FLOT1: variants seen among roughly 807,000 people sequenced by gnomAD.
FLOT1 encodes the protein flotillin 1.
In FLOT1, 40 loss-of-function variants were observed where a neutral mutation model predicts 58.4. The observed-to-expected ratio is 0.69, with a 90% CI of 0.53 to 0.89. The LOEUF is 0.89. Among genes scored for constraint, FLOT1 ranks in the 40% least tolerant of loss-of-function variants. FLOT1 has a pLI of 0.00. For synonymous variants in FLOT1, 178 were observed against 204.2 expected, an observed-to-expected ratio of 0.87 and a Z score of 1.09; for missense variants, 423 against 540.8, an observed-to-expected ratio of 0.78 and a Z score of 2.16.
Position 30,737,246 on chromosome 6 carries a change from G to GTCCATCCATCCA in FLOT1, c.723+2911_723+2912insTGGATGGATGGA, listed in dbSNP as rs1214356628. On this transcript the variant is annotated intron_variant, in intron 8 of 12. Transcript: ENST00000376389. This position sits in a 1 kb window ranked among gnomAD's most constrained non-coding sequence, Gnocchi z 4.4. The stretch of plus-strand genomic sequence containing the variant: ...CGTCCGTCCGTCCGTCCGTCCGTCC[G>GTCCATCCATCCA]TCCATCCGTCCATCCATCCATCCAT... Among the ~76,000 whole-genome samples, 846 of 145,370 alleles carry GTCCATCCATCCA rather than the reference G, an allele frequency of 5.8e-3. 7 individuals carry two copies. The highest frequency in any genetic ancestry group is 0.02 in the African/African-American group (783 of 38,970).
intron 8 of FLOT1, among the ~76,000 whole-genome samples, chr6:30,739,718 C>T (rs947872055): frequency 6.6e-6 from 1 of 151,510 alleles, no homozygotes; most frequent in African/African-American, 2.4e-5. Flanking sequence ...GGCTGGAGTG[C>T]AGTAGTGTGA....
At position 30,740,564 on chromosome 6, in the gene FLOT1, G is replaced by T; in HGVS notation, c.502C>A (p.Arg168=). The T allele has an allele frequency of 6.2e-7, 1 of 1,613,022 alleles. No individual in the cohort carries two copies. Among genetic ancestry groups the T allele is most frequent in the Non-Finnish European group, 8.5e-7 (1 of 1,180,026 alleles). ...GCATCTTTTTGGACTTGAGCTGTTC[G>T]AGCCTTCCCCAAAGAGTGCAAATAG... ...QDYLHSLGKA[R]TAQVQKDARI... is the part of the protein sequence containing the mutation. The change falls in exon 7 of 13, where the codon CGA becomes AGA. Residue 168 remains arginine, a synonymous_variant. Coordinates refer to ENST00000376389, the MANE Select transcript of FLOT1 (RefSeq NM_005803.4).
In FLOT1 at chr6:30,741,810, C is replaced by A. The variant is rs1442623551; in HGVS notation, c.101G>T (p.Cys34Phe). The change falls in exon 3 of 13, where the codon TGC (cysteine) becomes TTC (phenylalanine). Residue 34 changes from cysteine (C) to phenylalanine (F), a missense_variant. Cys to Phe is a radical substitution (Grantham distance 205). This residue lies in a region of FLOT1 where 91 missense variants were observed against 118.3 expected (regional missense o/e 0.77). Coordinates refer to ENST00000376389, the MANE Select transcript of FLOT1 (RefSeq NM_005803.4). This position sits in a 1 kb window ranked among gnomAD's most constrained non-coding sequence, Gnocchi z 5.9. ...VAGGRVFVLP[C>F]IQQIQRISLN... ...TGCCTACCTCTGGATCTGTTGGATGCAGGGCAGGACAAAGACACGCCCTCC... is the reference window on the plus strand; with the variant it reads ...TGCCTACCTCTGGATCTGTTGGATGAAGGGCAGGACAAAGACACGCCCTCC... 6.2e-7 allele frequency: 1 copy of A among 1,612,996 alleles called. No individual in the cohort carries two copies. Among genetic ancestry groups the A allele is most frequent in the Non-Finnish European group, 8.5e-7 (1 of 1,179,976 alleles).
chr6:30,731,596 A>AT (rs1777208707), intron 8 of FLOT1, among the ~76,000 whole-genome samples: 1 of 150,352 alleles, frequency 6.7e-6, no homozygotes. Context: ...CGTTTAATCT[A>AT]TTTTTCCCAC....
rs1197291206 is a variant in FLOT1, at chr6:30,741,724, C to T, written c.120-20G>A. On this transcript the variant is annotated intron_variant, in intron 3 of 12. Transcript: ENST00000376389. This position sits in a 1 kb window ranked among gnomAD's most constrained non-coding sequence, Gnocchi z 5.9. ...GAGATCCTAGGGGAAAAAGAAGGGA[C>T]AGACAGTAAGAAGAGGAGGAAAAAG... The T allele has an allele frequency of 3.1e-6, 5 of 1,610,740 alleles. No homozygotes were observed. The East Asian group carries it at 8.9e-5, about 29-fold the overall frequency.
At position 30,730,187 on chromosome 6, in the gene FLOT1, C is replaced by T; in HGVS notation, c.1090-1G>A. ...AGGGACCACTGATCTCCTCTGCCAC[C>T]TGGCAGGAGAGAGACACCCACTCAG... is the stretch of plus-strand genomic sequence containing the variant. On this transcript the variant is annotated splice_acceptor_variant, in intron 11 of 12. Transcript: ENST00000376389. LOFTEE classifies it high-confidence loss of function. 1.2e-6 allele frequency: 2 copies of T among 1,612,826 alleles called. No homozygotes were observed. The highest frequency in any genetic ancestry group is 1.7e-6 in the Non-Finnish European group (2 of 1,179,832).
Position 30,730,500 on chromosome 6 carries a change from G to C in FLOT1, c.1017C>G (p.Ala339=). 6.2e-7 allele frequency: 1 copy of C among 1,610,482 alleles called. No homozygotes were observed. Among genetic ancestry groups the C allele is most frequent in the Non-Finnish European group, 8.5e-7 (1 of 1,177,272 alleles). ...ACAGCTGGAAGGCTTCTGCCTTCTT[G>C]GCCATCTGCTCAGCCTCGGCTCGGG... is the stretch of plus-strand genomic sequence containing the variant. ...ARARAEAEQM[A]KKAEAFQLYQ... The change falls in exon 11 of 13, where the codon GCC becomes GCG. Residue 339 remains alanine, a synonymous_variant. Transcript: ENST00000376389.
rs1777635965 is a variant in FLOT1 at position 30,737,211 on chromosome 6, TCCGTCCG to T, written c.723+2940_723+2946del. ...TGACTGACTGACTGACTGTCTGTCG[TCCGTCCG>T]TCCGTCCGTCCGTCCGTCCGTCCGT... On this transcript the variant is annotated intron_variant, in intron 8 of 12. Coordinates refer to ENST00000376389, the MANE Select transcript of FLOT1 (RefSeq NM_005803.4). The surrounding 1 kb of genome is among the most constrained non-coding windows in gnomAD (Gnocchi z 4.4). Among the ~76,000 whole-genome samples, 1 of 76,176 alleles carries T rather than the reference TCCGTCCG, an allele frequency of 1.3e-5. No individual in the cohort carries two copies. The highest frequency in any genetic ancestry group is 3.1e-5 in the Non-Finnish European group (1 of 32,658). The allele number at this position is 76,176 out of a possible 152,430, so 50.0% of individuals were successfully genotyped here.
intron 9 of FLOT1, 50 bp downstream of exon 9, chr6:30,730,869 G>C (rs769579691): frequency 7.5e-6 from 12 of 1,594,130 alleles, no homozygotes; most frequent in Non-Finnish European, 1.0e-5. Context: ...TCCATCTTGG[G>C]GTGCCTAGGT....
chr6:30,742,024 T>A lies in FLOT1; in HGVS notation c.43+123A>T. On this transcript the variant is annotated intron_variant, in intron 2 of 12. Transcript: ENST00000376389. This position sits in a 1 kb window ranked among gnomAD's most constrained non-coding sequence, Gnocchi z 5.2. ...GAATGGTGGGAATCAAACTGGGCAG[T>A]TCGTGGCCATCAAGGGGCAGAAGTC... The A allele has an allele frequency of 8.2e-7, 1 of 1,212,200 alleles. No homozygotes were observed. The allele number at this position is 1,212,200 out of a possible 1,614,324, so 75.1% of individuals were successfully genotyped here.
chr6:30,739,308 G>C (rs1777794192), intron 8 of FLOT1, among the ~76,000 whole-genome samples: 1 of 152,076 alleles, frequency 6.6e-6, no homozygotes, highest in African/African-American at 2.4e-5. Flanking sequence ...CTTTGCACGG[G>C]CACAGCCTGC....
Position 30,741,881 on chromosome 6 carries a change from G to A in FLOT1, c.44-14C>T, listed in dbSNP as rs780988797. 18 of 1,611,238 alleles carry A rather than the reference G, an allele frequency of 1.1e-5. No homozygotes were observed. Among genetic ancestry groups the A allele is most frequent in the Admixed American group, 1.7e-5 (1 of 59,972 alleles). ...TTCGGCAGAACCCTGCAAGGTGTGG[G>A]GCAGTGAGGAACGGTGGCAGAGCTT... On this transcript the variant is annotated splice_polypyrimidine_tract_variant and intron_variant, in intron 2 of 12. Transcript: ENST00000376389. This position sits in a 1 kb window ranked among gnomAD's most constrained non-coding sequence, Gnocchi z 5.9.
rs1491161295 is a variant in FLOT1, at chr6:30,737,195, GAC to G, written c.723+2961_723+2962del. On this transcript the variant is annotated intron_variant, in intron 8 of 12. Coordinates refer to ENST00000376389, the MANE Select transcript of FLOT1 (RefSeq NM_005803.4). The surrounding 1 kb of genome is among the most constrained non-coding windows in gnomAD (Gnocchi z 4.4). Reference sequence around the variant, plus strand: ...ACAAGCCACGTATGACTGACTGACTGACTGACTGTCTGTCGTCCGTCCGTCCG... The same window carrying G: ...ACAAGCCACGTATGACTGACTGACTGTGACTGTCTGTCGTCCGTCCGTCCG... 7.5e-6 allele frequency among the ~76,000 whole-genome samples: 1 copy of G among 133,252 alleles called. No homozygotes were observed. The highest frequency in any genetic ancestry group is 2.2e-4 in the East Asian group (1 of 4,612). 87.4% of individuals were successfully genotyped at this position (133,252 alleles called of 152,430 possible).
intron 12 of FLOT1, among the ~76,000 whole-genome samples, chr6:30,729,416 C>T (rs1465351561): frequency 2.0e-5 from 3 of 152,138 alleles, no homozygotes; most frequent in African/African-American, 7.2e-5. Context: ...TACTATATAC[C>T]AGGCACTATT....
At position 30,727,963 on chromosome 6, in the gene FLOT1, C is replaced by A; in HGVS notation, c.*153G>T. The A allele has an allele frequency of 1.3e-6, 1 of 757,768 alleles. No homozygotes were observed. The highest frequency in any genetic ancestry group is 2.0e-5 in the Admixed American group (1 of 48,934). The allele number at this position is 757,768 out of a possible 1,614,324, so 46.9% of individuals were successfully genotyped here. Reference sequence around the variant, plus strand: ...GGTTGGCAAGGGGAGCAACCCCCTTCAAGACAAGGCACAAACTATTTGGCA... The same window carrying A: ...GGTTGGCAAGGGGAGCAACCCCCTTAAAGACAAGGCACAAACTATTTGGCA... On this transcript the variant is annotated 3_prime_UTR_variant, in exon 13 of 13. Transcript: ENST00000376389.
Position 30,730,532 on chromosome 6 carries a change from C to A in FLOT1, c.985G>T (p.Ala329Ser). ...RGEAEAFAIG[A>S]RARAEAEQMA... ...TGCTCAGCCTCGGCTCGGGCTCGGG[C>A]CCCTATGGCAAAGGCCTCAGCTTCC... The change falls in exon 11 of 13, where the codon GCC (alanine) becomes TCC (serine). Residue 329 changes from alanine (A) to serine (S), a missense_variant. By Grantham distance (99) the Ala-to-Ser change is moderately conservative. This residue lies in a region of FLOT1 where 106 missense variants were observed against 88.4 expected (regional missense o/e 1.20). Transcript: ENST00000376389. 4 of 1,611,368 alleles carry A rather than the reference C, an allele frequency of 2.5e-6. No individual in the cohort carries two copies. Among genetic ancestry groups the A allele is most frequent in the Non-Finnish European group, 2.5e-6 (3 of 1,177,906 alleles).
In FLOT1 at chr6:30,741,783, C is replaced by A. The variant is rs763443087; in HGVS notation, c.119+9G>T. On this transcript the variant is annotated intron_variant, in intron 3 of 12. Coordinates refer to ENST00000376389, the MANE Select transcript of FLOT1 (RefSeq NM_005803.4). The surrounding 1 kb of genome is among the most constrained non-coding windows in gnomAD (Gnocchi z 5.9). ...GAGGTCCCCCTTCCCTGGTTCCCTT[C>A]TTGCCTACCTCTGGATCTGTTGGAT... The A allele has an allele frequency of 6.2e-6, 10 of 1,612,908 alleles. No homozygotes were observed. The highest frequency in any genetic ancestry group is 1.3e-5 in the African/African-American group (1 of 75,050).
intron 12 of FLOT1, among the ~76,000 whole-genome samples, chr6:30,729,649 A>G (rs1207889471): frequency 6.6e-6 from 1 of 152,180 alleles, no homozygotes; most frequent in Non-Finnish European, 1.5e-5. Context: ...TGGGGCGCTG[A>G]GAAAAGCAGT....
At chr6:30,740,068 A>G in intron 8 of FLOT1, 90 bp downstream of exon 8, 1 of 1,280,496 alleles carries the variant, frequency 7.8e-7, no homozygotes, top group Non-Finnish European at 1.1e-6. Flanking sequence ...ACCAAAGTTA[A>G]AGTATGAGAA....
Sources: allele counts gnomAD v4.1 joint callset (sites outside exome capture counted in the v4.1 genomes callset), GRCh38; gene constraint gnomAD v4.1.1; regional missense constraint gnomAD v4.1.1; non-coding constraint Gnocchi (gnomAD v3.1); transcripts MANE v1.5; gene names NCBI Gene and HGNC (gene_info 2026-07-23, HGNC 2026-07-21).